RALA: variants seen among roughly 807,000 people sequenced by gnomAD.
RALA encodes the protein ras-related protein Ral-A.
RALA carries 5 observed loss-of-function variants against 24.0 expected under a neutral mutation model. That is an observed-to-expected ratio of 0.21 (90% CI 0.11 to 0.44). The LOEUF (loss-of-function observed/expected upper bound fraction) is 0.44. Ranked by LOEUF, RALA falls within the 20% of genes least tolerant of loss-of-function variation. The probability of loss-of-function intolerance (pLI) is 0.99; values close to 1 mark genes in which losing one functional copy is unlikely to be tolerated. For synonymous variants in RALA, 77 were observed against 83.8 expected (o/e 0.92, Z 0.44); for missense variants, 95 against 241.2 (o/e 0.39, Z 4.01).
chr7:39,656,116 C>T (rs1230245316), intron 1 of RALA, among the ~76,000 whole-genome samples: 5 of 152,048 alleles, frequency 3.3e-5, no homozygotes, highest in African/African-American at 1.2e-4. Context: ...AGTCAAAACC[C>T]CTATTCAGAT....
chr7:39,653,013 G>C (rs1221732212), intron 1 of RALA, among the ~76,000 whole-genome samples: 1 of 150,424 alleles, frequency 6.6e-6, no homozygotes, highest in African/African-American at 2.4e-5. Context: ...AGCCAGGCTG[G>C]TCTCAAACTA....
chr7:39,647,410 G>T (rs1347034358), intron 1 of RALA, among the ~76,000 whole-genome samples: 1 of 152,134 alleles, frequency 6.6e-6, no homozygotes, highest in African/African-American at 2.4e-5. Flanking sequence ...GATTGTTTCT[G>T]ATCAAAAGGT....
rs1163180789 is a variant in RALA at position 39,707,129 on chromosome 7, C to G, written c.*884C>G. 6.6e-6 allele frequency: 1 copy of G among 152,598 alleles called. No individual in the cohort carries two copies. Among genetic ancestry groups the G allele is most frequent in the Non-Finnish European group, 1.5e-5 (1 of 68,038 alleles). 9.5% of individuals were successfully genotyped at this position (152,598 alleles called of 1,614,324 possible). ...GCATATATACTTGCAAGATAATTTT[C>G]AGCTGCAAGGATTCAGCACCAGTTA... On this transcript the variant is annotated 3_prime_UTR_variant, in exon 5 of 5. Transcript: ENST00000005257.
chr7:39,640,732 A>G (rs990278735), intron 1 of RALA, among the ~76,000 whole-genome samples: 6 of 152,226 alleles, frequency 3.9e-5, no homozygotes, highest in African/African-American at 1.2e-4. Context: ...AGCAGAATCA[A>G]TTAAAGAAAG....
intron 1 of RALA, among the ~76,000 whole-genome samples, chr7:39,640,956 AATATAGTC>A (rs1256973779): frequency 6.6e-6 from 1 of 152,152 alleles, no homozygotes; most frequent in Non-Finnish European, 1.5e-5. Context: ...TGTGGTCAGG[AATATAGTC>A]ACCTTTATCT....
intron 1 of RALA, among the ~76,000 whole-genome samples, chr7:39,659,178 CTG>C (rs1792143710): frequency 6.6e-6 from 1 of 152,006 alleles, no homozygotes; most frequent in Non-Finnish European, 1.5e-5. Flanking sequence ...ATGAAATGGT[CTG>C]AGGCAGGAGG....
intron 1 of RALA, among the ~76,000 whole-genome samples, chr7:39,674,348 GATACTC>G (rs1792442377): frequency 6.6e-6 from 1 of 152,234 alleles, no homozygotes; most frequent in African/African-American, 2.4e-5. Context: ...AACCTGTAGA[GATACTC>G]ATATGATTTT....
At chr7:39,698,499 A>G (rs1340374142) in intron 4 of RALA, among the ~76,000 whole-genome samples, 1 of 152,242 alleles carries the variant, frequency 6.6e-6, no homozygotes, top group Non-Finnish European at 1.5e-5. Flanking sequence ...TTAGAAAATT[A>G]TAGATTTGAA....
intron 1 of RALA, among the ~76,000 whole-genome samples, chr7:39,626,620 T>C (rs1359827705): frequency 1.3e-5 from 2 of 152,214 alleles, no homozygotes; most frequent in South Asian, 2.1e-4. Context: ...TCACCGTCCA[T>C]GTGTGCCATG....
intron 1 of RALA, among the ~76,000 whole-genome samples, chr7:39,641,478 C>T (rs1320431022): frequency 5.9e-5 from 9 of 152,104 alleles, no homozygotes; most frequent in African/African-American, 1.7e-4. Context: ...TTCTCATGGA[C>T]GTTCTTTTAT....
chr7:39,637,481 G>A (rs1791704147), intron 1 of RALA, among the ~76,000 whole-genome samples: 1 of 152,130 alleles, frequency 6.6e-6, no homozygotes, highest in African/African-American at 2.4e-5. Flanking sequence ...ACTTCAAAAA[G>A]TATTCCTTAA....
In RALA at chr7:39,635,619, C is replaced by T. The variant is rs753992885; in HGVS notation, c.-38+11794C>T. ...TTGTGGAAGACAGTTTTTCCACGGA[C>T]CAGGGGAAATGGGGAGGAGGATGGC... On this transcript the variant is annotated intron_variant, in intron 1 of 4. Transcript: ENST00000005257. Among the ~76,000 whole-genome samples the T allele has an allele frequency of 2.0e-5, 3 of 152,090 alleles. No individual in the cohort carries two copies. The East Asian group carries it at 5.8e-4, about 29-fold the overall frequency.
intron 1 of RALA, among the ~76,000 whole-genome samples, chr7:39,662,289 C>T (rs898674758): frequency 6.6e-6 from 1 of 152,154 alleles, no homozygotes; most frequent in Non-Finnish European, 1.5e-5. Context: ...ACATTTTCCC[C>T]CGTTGTCTTG....
intron 1 of RALA, among the ~76,000 whole-genome samples, chr7:39,662,361 G>A (rs1392932267): frequency 6.6e-6 from 1 of 152,082 alleles, no homozygotes; most frequent in Non-Finnish European, 1.5e-5. Context: ...CAGAAAATTG[G>A]CTTTTTTTTC....
chr7:39,650,089 C>T (rs911780510), intron 1 of RALA, among the ~76,000 whole-genome samples: 1 of 152,062 alleles, frequency 6.6e-6, no homozygotes, highest in African/African-American at 2.4e-5. Flanking sequence ...GAAAAAAATA[C>T]ATTTGAATCC....
intron 1 of RALA, among the ~76,000 whole-genome samples, chr7:39,666,871 A>T (rs17417049): frequency 8.6e-5 from 13 of 152,002 alleles, no homozygotes; most frequent in Non-Finnish European, 1.5e-4. Flanking sequence ...AATAATGTCA[A>T]TGCTTAATTT....
chr7:39,686,416 A>G (rs1180153133), intron 1 of RALA, among the ~76,000 whole-genome samples: 1 of 152,178 alleles, frequency 6.6e-6, no homozygotes, highest in Non-Finnish European at 1.5e-5. Context: ...TTTAAGAGAA[A>G]TGCCCTTGAG....
chr7:39,656,553 T>C (rs1265061261), intron 1 of RALA, among the ~76,000 whole-genome samples: 1 of 152,220 alleles, frequency 6.6e-6, no homozygotes, highest in African/African-American at 2.4e-5. Context: ...AAGAGTCTAT[T>C]GTAACAAGTT....
chr7:39,678,192 AT>A (rs1319211360), intron 1 of RALA, among the ~76,000 whole-genome samples: 3 of 150,580 alleles, frequency 2.0e-5, no homozygotes, highest in East Asian at 3.9e-4. Context: ...TTAAAGTATA[AT>A]TAAAAAAAAA....
Sources: gnomAD v4.1 joint callset for allele counts (sites outside exome capture counted in the v4.1 genomes callset) on GRCh38, gnomAD v4.1.1 for gene constraint, MANE v1.5 for transcripts, NCBI Gene and HGNC (gene_info 2026-07-23, HGNC 2026-07-21) for gene names.